The following OTOA variants were observed in gnomAD, a reference collection of about 807,000 sequenced individuals.
OTOA encodes the protein cancer/testis antigen 108.
A neutral mutation model predicts 110.8 loss-of-function variants in OTOA; 70 were observed. The ratio of observed to expected loss-of-function variants is 0.63; its 90% CI spans 0.52 to 0.77. OTOA has a LOEUF of 0.77. Ranked by LOEUF, OTOA falls within the 30% of genes least tolerant of loss-of-function variation. The pLI, the probability that OTOA is intolerant of heterozygous loss-of-function variation, is 0.00. For synonymous variants in OTOA, 373 were observed against 431.5 expected, an observed-to-expected ratio of 0.86 and a Z score of 1.68; for missense variants, 917 against 1,075.8, an observed-to-expected ratio of 0.85 and a Z score of 2.06.
chr16:21,677,608 A>T (rs570567204), intron 1 of OTOA, among the ~76,000 whole-genome samples: 3 of 149,376 alleles, frequency 2.0e-5, no homozygotes, highest in African/African-American at 7.4e-5. Flanking sequence ...CAGCCTCCTG[A>T]GTAGCTGGGA....
chr16:21,714,926 C>T lies in OTOA; in HGVS notation c.1321-59C>T. On this transcript the variant is annotated intron_variant, in intron 13 of 28. Transcript: ENST00000646100. ...ACTTGGCACATAGATGGGCTGAGTG[C>T]ACGTTGGAGAGGTGAAAGGCGGGAG... is the stretch of plus-strand genomic sequence containing the variant. 3 of 1,608,618 alleles carry T rather than the reference C, an allele frequency of 1.9e-6. No individual in the cohort carries two copies. In the South Asian group the frequency reaches 3.3e-5, roughly 18 times the overall value.
chr16:21,705,425 AT>A, intron 12 of OTOA, 133 bp downstream of exon 12: 1 of 1,372,650 alleles, frequency 7.3e-7, no homozygotes, highest in East Asian at 2.4e-5. Flanking sequence ...GTCACAGCAG[AT>A]GGCATCTCAA....
Position 21,752,350 on chromosome 16 carries a change from C to T in OTOA, c.2919-19C>T. 4 of 550,868 alleles carry T rather than the reference C, an allele frequency of 7.3e-6. No homozygotes were observed. Among genetic ancestry groups the T allele is most frequent in the East Asian group, 3.1e-5 (1 of 31,768 alleles). The allele number at this position is 550,868 out of a possible 1,614,324, so 34.1% of individuals were successfully genotyped here. ...AGTCCAAGCTCATATTATATCCCTC[C>T]CTCTTTAACCACTACCAGGGTGGTA... On this transcript the variant is annotated intron_variant, in intron 25 of 28. Transcript: ENST00000646100.
chr16:21,714,847 A>G, intron 13 of OTOA, 138 bp from the exon 14 acceptor site: 1 of 1,091,200 alleles, frequency 9.2e-7, no homozygotes, highest in South Asian at 1.3e-5. Context: ...AGGCCTGTGG[A>G]GGCAGCATCT....
intron 16 of OTOA, 22 bp from the exon 17 acceptor site, chr16:21,719,365 A>C (rs774129655): frequency 1.2e-6 from 2 of 1,609,252 alleles, no homozygotes; most frequent in Non-Finnish European, 1.7e-6. Flanking sequence ...TCCTCTCCCG[A>C]GTGCCTTGTT....
rs866105290 is a variant in OTOA at position 21,728,358 on chromosome 16, G to A, written c.2134G>A (p.Gly712Ser). 13 of 1,613,986 alleles carry A rather than the reference G, an allele frequency of 8.1e-6. No homozygotes were observed. Among genetic ancestry groups the A allele is most frequent in the Admixed American group, 5.0e-5 (3 of 59,996 alleles). Residue 712 changes from glycine to serine, a missense_variant, in exon 20 of 29, where the codon GGC (glycine) becomes AGC (serine). Around this residue, in one of 6 missense-constraint regions of OTOA, gnomAD observed 840 missense variants for 910.2 expected, o/e 0.92. Transcript: ENST00000646100. The part of the protein sequence containing the change: ...SPRAWATALH[G>S]LRDCPDLNPE... ...CAGGGCTTGGGCGACTGCTCTACAC[G>A]GCCTCAGAGACTGCCCAGACCTCAA...
In OTOA at chr16:21,715,127, C is replaced by T. The variant is rs1411476925; in HGVS notation, c.1463C>T (p.Ala488Val). The change falls in exon 14 of 29, where the codon GCC becomes GTC. Residue 488 changes from alanine to valine, a missense_variant. Physicochemically the swap from Ala to Val is moderately conservative, Grantham distance 64. Coordinates refer to ENST00000646100, the MANE Select transcript of OTOA (RefSeq NM_144672.4). Reference protein sequence around the residue: ...VSQYVSDLSPAQQQGILSKMV... With the variant: ...VSQYVSDLSPVQQQGILSKMV... ...CAGTATGTATCCGACTTGTCACCTGCCCAGCAGCAAGGTATCCTCAGCAAG... is the reference window on the plus strand; with the variant it reads ...CAGTATGTATCCGACTTGTCACCTGTCCAGCAGCAAGGTATCCTCAGCAAG... The T allele has an allele frequency of 1.9e-6, 3 of 1,614,174 alleles. No homozygotes were observed. The highest frequency in any genetic ancestry group is 1.7e-4 in the Middle Eastern group (1 of 6,060).
chr16:21,703,212 A>G (rs1898087197), intron 11 of OTOA, among the ~76,000 whole-genome samples: 1 of 151,992 alleles, frequency 6.6e-6, no homozygotes, highest in Admixed American at 6.6e-5. Flanking sequence ...TCCAGAACCT[A>G]TTTTCCTATT....
At chr16:21,677,962 C>T (rs1966863651) in intron 1 of OTOA, among the ~76,000 whole-genome samples, 1 of 152,100 alleles carries the variant, frequency 6.6e-6, no homozygotes, top group Non-Finnish European at 1.5e-5. Context: ...TCTTGGCTCA[C>T]TGCAACCTCT....
chr16:21,760,578 C>T lies in OTOA; in HGVS notation c.*38C>T, dbSNP rs779254743. The T allele has an allele frequency of 1.4e-5, 20 of 1,474,164 alleles. No homozygotes were observed. The highest frequency in any genetic ancestry group is 1.9e-5 in the Non-Finnish European group (20 of 1,063,708). 91.3% of individuals were successfully genotyped at this position (1,474,164 alleles called of 1,614,324 possible). A position where few individuals can be genotyped will look rare whatever the true frequency, so the allele number is the denominator to read the frequency against. ...CATCGTCCTGTGTTGCCCCAAGCAG[C>T]TGGCCAACATGTGTAGAGACAGGAT... On this transcript the variant is annotated 3_prime_UTR_variant, in exon 29 of 29. Coordinates refer to ENST00000646100, the MANE Select transcript of OTOA (RefSeq NM_144672.4).
chr16:21,695,236 C>A (rs80150689), intron 9 of OTOA, among the ~76,000 whole-genome samples: 3 of 88,702 alleles, frequency 3.4e-5, no homozygotes, highest in South Asian at 5.0e-4. Context: ...CCCCCCCCCC[C>A]ATACAAAAAA....
intron 13 of OTOA, among the ~76,000 whole-genome samples, chr16:21,714,191 ATTTC>A (rs146389942): frequency 0.032 from 4,827 of 151,728 alleles, 260 homozygotes; most frequent in African/African-American, 0.11. Flanking sequence ...CCCAAGTATA[ATTTC>A]TTTCTTTCTT....
At chr16:21,747,896 T>C (rs1459755995) in intron 24 of OTOA, 1 of 151,412 alleles carries the variant, frequency 6.6e-6, no homozygotes, top group African/African-American at 2.4e-5. Flanking sequence ...TTATGAAGAC[T>C]TAATAAGAAA....
intron 13 of OTOA, among the ~76,000 whole-genome samples, chr16:21,714,460 C>CTCTTCT (rs1555499806): frequency 1.4e-5 from 2 of 137,940 alleles, no homozygotes; most frequent in South Asian, 2.3e-4. Context: ...CTCTCTCTCT[C>CTCTTCT]TTCTTTCTTT....
At chr16:21,711,476 AT>A (rs914225584) in intron 13 of OTOA, among the ~76,000 whole-genome samples, 7 of 150,036 alleles carry the variant, frequency 4.7e-5, no homozygotes, top group Non-Finnish European at 1.0e-4. Flanking sequence ...GTGTCATCTA[AT>A]TTTTTTTTTG....
chr16:21,680,665 CAACATGGCA>C (rs935600558), intron 5 of OTOA, among the ~76,000 whole-genome samples: 2 of 151,998 alleles, frequency 1.3e-5, no homozygotes, highest in African/African-American at 4.8e-5. Context: ...CCAGCCCGGC[CAACATGGCA>C]AAACTCAGTA....
intron 9 of OTOA, among the ~76,000 whole-genome samples, chr16:21,697,066 C>T (rs753203125): frequency 1.2e-5 from 1 of 84,792 alleles, no homozygotes; most frequent in Non-Finnish European, 2.2e-5. Flanking sequence ...TTTTTTGTAG[C>T]GATGAGGGTC....
At chr16:21,691,302 A>G (rs1017581470) in intron 8 of OTOA, among the ~76,000 whole-genome samples, 1 of 152,148 alleles carries the variant, frequency 6.6e-6, no homozygotes. Context: ...TTATAGTAGC[A>G]TGATTTATAA....
At chr16:21,719,251 C>T (rs1898650830) in intron 16 of OTOA, 60 bp downstream of exon 16, 3 of 1,600,202 alleles carry the variant, frequency 1.9e-6, no homozygotes, top group Non-Finnish European at 2.6e-6. Context: ...TCTGCCAGAG[C>T]AGCCTACTTT....
Sources: gnomAD v4.1 joint callset for allele counts (sites outside exome capture counted in the v4.1 genomes callset) on GRCh38, gnomAD v4.1.1 for gene constraint, gnomAD v4.1.1 regional missense constraint, MANE v1.5 for transcripts, NCBI Gene and HGNC (gene_info 2026-07-23, HGNC 2026-07-21) for gene names.